Variants in KDM3B observed in about 807,000 individuals in gnomAD.
KDM3B encodes the protein lysine demethylase 3B, also known as lysine-specific demethylase 3B.
A neutral mutation model predicts 170.0 loss-of-function variants in KDM3B; 10 were observed. The observed-to-expected ratio is 0.06, with a 90% CI of 0.04 to 0.10. KDM3B has a LOEUF of 0.10. Ranked by LOEUF, KDM3B falls within the 10% of genes least tolerant of loss-of-function variation. The pLI is 1.00. For synonymous variants in KDM3B, 831 were observed against 834.8 expected (o/e 1.00, Z 0.08); for missense variants, 1,394 against 2,195.2 (o/e 0.64, Z 7.29).
At position 138,408,758 on chromosome 5, in the gene KDM3B, T is replaced by C. The variant is rs186474019; in HGVS notation, c.3200-6374T>C. On this transcript the variant is annotated intron_variant, in intron 11 of 23. Transcript: ENST00000314358. Reference sequence around the variant, plus strand: ...GGGGTTCACTTGAAAATCAGTGCAGTCCACTATATTAGTAGACTAAAAAAT... The same window carrying C: ...GGGGTTCACTTGAAAATCAGTGCAGCCCACTATATTAGTAGACTAAAAAAT... Among the ~76,000 whole-genome samples, 15 of 152,252 alleles carry C rather than the reference T, an allele frequency of 9.9e-5. No homozygotes were observed. The East Asian group carries it at 2.7e-3, about 27-fold the overall frequency.
At chr5:138,423,977 G>T in intron 15 of KDM3B, 98 bp from the exon 16 acceptor site, 2 of 1,237,766 alleles carry the variant, frequency 1.6e-6, no homozygotes, top group South Asian at 3.6e-5. Context: ...TAATCAGACA[G>T]GTCAGAACTC....
chr5:138,380,070 A>G (rs2126932376), intron 5 of KDM3B, among the ~76,000 whole-genome samples: 1 of 152,196 alleles, frequency 6.6e-6, no homozygotes, highest in East Asian at 1.9e-4. Context: ...TCACTGCAAC[A>G]TTTGCCTCTC....
intron 1 of KDM3B, among the ~76,000 whole-genome samples, chr5:138,359,409 A>G (rs1218776636): frequency 6.7e-6 from 1 of 148,342 alleles, no homozygotes; most frequent in Non-Finnish European, 1.5e-5. Flanking sequence ...TGATCTGCCT[A>G]TCTCAGCCTC....
chr5:138,408,797 C>G (rs1228364739), intron 11 of KDM3B, among the ~76,000 whole-genome samples: 1 of 152,204 alleles, frequency 6.6e-6, no homozygotes, highest in Non-Finnish European at 1.5e-5. Context: ...CACATGATCT[C>G]AAGATATAGC....
At chr5:138,418,084 T>TG (rs998074088) in intron 13 of KDM3B, 1 of 149,024 alleles carries the variant, frequency 6.7e-6, no homozygotes, top group South Asian at 2.1e-4. Context: ...GGTTTTTTTT[T>TG]TTTTTTTTTT....
Position 138,375,081 on chromosome 5 carries a change from T to C in KDM3B, c.361-12T>C, listed in dbSNP as rs1761963711. On this transcript the variant is annotated splice_polypyrimidine_tract_variant and intron_variant, in intron 2 of 23. Transcript: ENST00000314358. Reference sequence around the variant, plus strand: ...CAAGTTCTAATCAATTTCTTGTCATTGTACTTCACAGACTTTTACTCCCCT... The same window carrying C: ...CAAGTTCTAATCAATTTCTTGTCATCGTACTTCACAGACTTTTACTCCCCT... 1.4e-6 allele frequency: 2 copies of C among 1,431,616 alleles called. No individual in the cohort carries two copies. The highest frequency in any genetic ancestry group is 2.3e-5 in the South Asian group (2 of 86,748). 88.7% of individuals were successfully genotyped at this position (1,431,616 alleles called of 1,614,324 possible). A position where few individuals can be genotyped will look rare whatever the true frequency, so the allele number is the denominator to read the frequency against.
At chr5:138,420,152 T>G (rs1763236236) in intron 14 of KDM3B, among the ~76,000 whole-genome samples, 1 of 152,234 alleles carries the variant, frequency 6.6e-6, no homozygotes, top group Non-Finnish European at 1.5e-5. Flanking sequence ...CCTCCCAAAG[T>G]GCTGGGATTA....
At position 138,419,548 on chromosome 5, in the gene KDM3B, G is replaced by A. The variant is rs548292188; in HGVS notation, c.3715+316G>A. Among the ~76,000 whole-genome samples the A allele has an allele frequency of 5.3e-5, 8 of 150,572 alleles. No individual in the cohort carries two copies. The South Asian group carries it at 1.5e-3, about 28-fold the overall frequency. On this transcript the variant is annotated intron_variant, in intron 14 of 23. Coordinates refer to ENST00000314358, the MANE Select transcript of KDM3B (RefSeq NM_016604.4). ...CGGGTGCCTGTAGTCCCAGCTACTT[G>A]GGAGGCTGAGGCAGGAGAATGGCAT...
intron 6 of KDM3B, among the ~76,000 whole-genome samples, chr5:138,382,407 G>T (rs954083077): frequency 1.3e-5 from 2 of 151,996 alleles, no homozygotes; most frequent in Non-Finnish European, 2.9e-5. Context: ...AGCTGAGATC[G>T]CACCATTGCA....
At position 138,374,981 on chromosome 5, in the gene KDM3B, A is replaced by G. The variant is rs552672670; in HGVS notation, c.361-112A>G. 6.8e-5 allele frequency: 46 copies of G among 671,626 alleles called. No homozygotes were observed. In the African/African-American group the frequency reaches 7.3e-4, roughly 11 times the overall value. 41.6% of individuals were successfully genotyped at this position (671,626 alleles called of 1,614,324 possible). A position where few individuals can be genotyped will look rare whatever the true frequency, so the allele number is the denominator to read the frequency against. ...AGGACTTATGCTTTAGCTTATCTGT[A>G]TTTACTGGGATGAAAGATATAATAA... On this transcript the variant is annotated intron_variant, in intron 2 of 23. Transcript: ENST00000314358.
intron 15 of KDM3B, among the ~76,000 whole-genome samples, chr5:138,423,753 A>G (rs1561794118): frequency 6.6e-6 from 1 of 152,180 alleles, no homozygotes; most frequent in Non-Finnish European, 1.5e-5. Flanking sequence ...GCATTTGATG[A>G]TCCCTACAGT....
At chr5:138,362,578 A>G (rs570022954) in intron 1 of KDM3B, among the ~76,000 whole-genome samples, 46 of 118,718 alleles carry the variant, frequency 3.9e-4, no homozygotes, top group African/African-American at 1.2e-3. Flanking sequence ...ACACACACAC[A>G]CACACACAAA....
Position 138,372,590 on chromosome 5 carries a change from A to C in KDM3B, c.193-84A>C, listed in dbSNP as rs974332001. 3.4e-6 allele frequency: 4 copies of C among 1,191,662 alleles called. No homozygotes were observed. In the African/African-American group the frequency reaches 6.1e-5, roughly 18 times the overall value. 73.8% of individuals were successfully genotyped at this position (1,191,662 alleles called of 1,614,324 possible). A position where few individuals can be genotyped will look rare whatever the true frequency, so the allele number is the denominator to read the frequency against. On this transcript the variant is annotated intron_variant, in intron 1 of 23. Coordinates refer to ENST00000314358, the MANE Select transcript of KDM3B (RefSeq NM_016604.4). ...AGAATTATTCCTAGTCAGTTGTTCA[A>C]AACAGTGGGGTTTATGTTCATTTAT... is the stretch of plus-strand genomic sequence containing the variant.
At chr5:138,388,455 A>C (rs1042167852) in intron 7 of KDM3B, among the ~76,000 whole-genome samples, 1 of 151,790 alleles carries the variant, frequency 6.6e-6, no homozygotes, top group Non-Finnish European at 1.5e-5. Context: ...ACACGGTGAA[A>C]CCCCGTCTCT....
chr5:138,384,201 G>C (rs1261806094), intron 6 of KDM3B, among the ~76,000 whole-genome samples: 25 of 150,826 alleles, frequency 1.7e-4, no homozygotes, highest in Non-Finnish European at 3.1e-4. Flanking sequence ...AGCCGAGATC[G>C]TGCCACTGCA....
At position 138,386,045 on chromosome 5, in the gene KDM3B, A is replaced by G. The variant is rs576887795; in HGVS notation, c.804A>G (p.Lys268=). ...QSEGGTLKAV[K]SSKGKKKRES... is the part of the protein sequence containing the mutation. ...AGGGGGGTACGTTAAAAGCAGTAAA[A>G]TCTTCCAAAGGAAAGAAGAAGAGAG... The change falls in exon 7 of 24, where the codon AAA becomes AAG. Residue 268 remains lysine, a synonymous_variant. Coordinates refer to ENST00000314358, the MANE Select transcript of KDM3B (RefSeq NM_016604.4). 4.1e-5 allele frequency: 66 copies of G among 1,606,764 alleles called. No individual in the cohort carries two copies. The Admixed American group carries it at 7.2e-4, about 18-fold the overall frequency.
At chr5:138,367,954 A>T (rs549455126) in intron 1 of KDM3B, among the ~76,000 whole-genome samples, 1 of 152,106 alleles carries the variant, frequency 6.6e-6, no homozygotes, top group East Asian at 1.9e-4. Context: ...TGGAGGTTGC[A>T]GTGAGCCGAG....
chr5:138,376,429 G>A (rs1457289426), intron 3 of KDM3B, among the ~76,000 whole-genome samples: 7 of 152,120 alleles, frequency 4.6e-5, no homozygotes, highest in Non-Finnish European at 1.0e-4. Context: ...CTTCGGCCAG[G>A]CGCGGTGGCT....
chr5:138,418,979 T>C lies in KDM3B; in HGVS notation c.3462T>C (p.Ser1154=), dbSNP rs2126990087. ...SQLPSINPSA[S]SGNETTFSGG... is the part of the protein sequence containing the mutation. ...TTCCTAGCATAAACCCTAGTGCCTC[T>C]TCTGGAAACGAAACTACCTTCTCTG... is the stretch of plus-strand genomic sequence containing the variant. Residue 1154 remains serine (S), a synonymous_variant, in exon 14 of 24, where the codon TCT becomes TCC. Transcript: ENST00000314358. The C allele has an allele frequency of 1.2e-6, 2 of 1,614,220 alleles. No homozygotes were observed. Among genetic ancestry groups the C allele is most frequent in the Middle Eastern group, 1.6e-4 (1 of 6,062 alleles).
Sources: gnomAD v4.1 joint callset for allele counts (sites outside exome capture counted in the v4.1 genomes callset) on GRCh38, gnomAD v4.1.1 for gene constraint, MANE v1.5 for transcripts, NCBI Gene and HGNC (gene_info 2026-07-23, HGNC 2026-07-21) for gene names.